Variants in SLC9A2 observed in about 807,000 individuals in gnomAD.
SLC9A2 encodes the protein solute carrier family 9 member A2, also known as sodium/hydrogen exchanger 2.
SLC9A2 carries 42 observed loss-of-function variants against 71.7 expected under a neutral mutation model. That is an observed-to-expected ratio of 0.59 (90% CI 0.46 to 0.76). The LOEUF is 0.76. Among genes scored for constraint, SLC9A2 ranks in the 30% least tolerant of loss-of-function variants. SLC9A2 has a pLI of 0.00. For synonymous variants in SLC9A2, 396 were observed against 392.5 expected (o/e 1.01, Z -0.10); for missense variants, 829 against 1,017.4 (o/e 0.81, Z 2.52).
chr2:102,700,099 A>G (rs1163045149), intron 7 of SLC9A2, among the ~76,000 whole-genome samples: 2 of 152,188 alleles, frequency 1.3e-5, no homozygotes, highest in Non-Finnish European at 2.9e-5. Context: ...ATCCAGGATG[A>G]CACCAGGATT....
intron 1 of SLC9A2, among the ~76,000 whole-genome samples, chr2:102,657,284 G>A (rs1009329138): frequency 2.6e-5 from 4 of 152,066 alleles, no homozygotes; most frequent in South Asian, 2.1e-4. Context: ...AAATCTCAAC[G>A]GGGATTTAGA....
intron 1 of SLC9A2, among the ~76,000 whole-genome samples, chr2:102,651,311 A>G (rs1363175794): frequency 6.6e-6 from 1 of 152,168 alleles, no homozygotes; most frequent in Non-Finnish European, 1.5e-5. Flanking sequence ...TCAGGAAATA[A>G]CCAACTTCTG....
At position 102,708,491 on chromosome 2, in the gene SLC9A2, A is replaced by C; in HGVS notation, c.*2A>C. The C allele has an allele frequency of 6.2e-7, 1 of 1,612,168 alleles. No homozygotes were observed. The highest frequency in any genetic ancestry group is 8.5e-7 in the Non-Finnish European group (1 of 1,178,958). On this transcript the variant is annotated 3_prime_UTR_variant, in exon 12 of 12. Coordinates refer to ENST00000233969, the MANE Select transcript of SLC9A2 (RefSeq NM_003048.6). Reference sequence around the variant, plus strand: ...CGATTTGGGAGTGAGAAGCCTTAAGAGAAGCAGCGAAAGCAGATCTGAGTG... The same window carrying C: ...CGATTTGGGAGTGAGAAGCCTTAAGCGAAGCAGCGAAAGCAGATCTGAGTG...
Position 102,694,640 on chromosome 2 carries a change from G to A in SLC9A2, c.1515+137G>A, listed in dbSNP as rs898349636. The A allele has an allele frequency of 4.9e-5, 22 of 450,546 alleles. No individual in the cohort carries two copies. The Middle Eastern group carries it at 9.7e-4, about 20-fold the overall frequency. 27.9% of individuals were successfully genotyped at this position (450,546 alleles called of 1,614,324 possible). On this transcript the variant is annotated intron_variant, in intron 6 of 11. Coordinates refer to ENST00000233969, the MANE Select transcript of SLC9A2 (RefSeq NM_003048.6). The stretch of plus-strand genomic sequence containing the variant: ...TGAGAGGGAGGAGGGCCTGAAGAAG[G>A]TATTTGCTGGGGGAGTATAGAATAG...
intron 9 of SLC9A2, among the ~76,000 whole-genome samples, chr2:102,703,256 T>C (rs1401365464): frequency 6.6e-6 from 1 of 152,234 alleles, no homozygotes; most frequent in Middle Eastern, 3.2e-3. Context: ...ACATTAGTTG[T>C]GGCTCCCAAG....
chr2:102,693,010 T>A (rs1286486040), intron 5 of SLC9A2, among the ~76,000 whole-genome samples: 1 of 151,626 alleles, frequency 6.6e-6, no homozygotes, highest in Non-Finnish European at 1.5e-5. Context: ...AACATGTTAT[T>A]AGATACTAGC....
chr2:102,637,361 A>G (rs1676486227), intron 1 of SLC9A2, among the ~76,000 whole-genome samples: 1 of 152,228 alleles, frequency 6.6e-6, no homozygotes, highest in African/African-American at 2.4e-5. Flanking sequence ...CCCAGATAGA[A>G]TACATGCTGA....
intron 3 of SLC9A2, among the ~76,000 whole-genome samples, chr2:102,681,516 C>G (rs1048195248): frequency 6.6e-6 from 1 of 152,218 alleles, no homozygotes; most frequent in African/African-American, 2.4e-5. Flanking sequence ...TGCTCATAAA[C>G]TTGTTATAAG....
intron 3 of SLC9A2, among the ~76,000 whole-genome samples, chr2:102,668,361 C>T (rs958264781): frequency 4.0e-5 from 6 of 150,584 alleles, no homozygotes; most frequent in Admixed American, 2.0e-4. Flanking sequence ...GTGCATGCCC[C>T]GCCCCTCTCT....
Position 102,619,646 on chromosome 2 carries a change from C to A in SLC9A2, c.-203C>A. On this transcript the variant is annotated 5_prime_UTR_variant, in exon 1 of 12. Coordinates refer to ENST00000233969, the MANE Select transcript of SLC9A2 (RefSeq NM_003048.6). This position sits in a 1 kb window ranked among gnomAD's most constrained non-coding sequence, Gnocchi z 4.3. ...CGCAGCGGCCTCTCGTCGCCCTGCACGTGCCTCGCCAGGCAGTGCGCCTGC... is the reference window on the plus strand; with the variant it reads ...CGCAGCGGCCTCTCGTCGCCCTGCAAGTGCCTCGCCAGGCAGTGCGCCTGC... 6.7e-6 allele frequency: 3 copies of A among 447,936 alleles called. No homozygotes were observed. Among genetic ancestry groups the A allele is most frequent in the East Asian group, 3.6e-5 (1 of 27,918 alleles). The allele number at this position is 447,936 out of a possible 1,614,324, so 27.7% of individuals were successfully genotyped here.
chr2:102,621,709 G>A (rs2192664), intron 1 of SLC9A2, among the ~76,000 whole-genome samples: 77,427 of 152,042 alleles, frequency 0.51, 21,282 homozygotes, highest in African/African-American at 0.72. Flanking sequence ...ACGTGTACAC[G>A]CTGTGTGATT....
At position 102,701,050 on chromosome 2, in the gene SLC9A2, G is replaced by C; in HGVS notation, c.1587-20G>C. ...TTAGTCAATCCAGTATTAATTTATTGAAAGTTTCTTTATTTACAGGTTTAA... is the reference window on the plus strand; with the variant it reads ...TTAGTCAATCCAGTATTAATTTATTCAAAGTTTCTTTATTTACAGGTTTAA... On this transcript the variant is annotated intron_variant, in intron 7 of 11. Coordinates refer to ENST00000233969, the MANE Select transcript of SLC9A2 (RefSeq NM_003048.6). The C allele has an allele frequency of 6.5e-7, 1 of 1,533,164 alleles. No individual in the cohort carries two copies. The highest frequency in any genetic ancestry group is 8.8e-7 in the Non-Finnish European group (1 of 1,131,896). 95.0% of individuals were successfully genotyped at this position (1,533,164 alleles called of 1,614,324 possible).
chr2:102,638,018 C>G (rs1020469838), intron 1 of SLC9A2, among the ~76,000 whole-genome samples: 3 of 152,176 alleles, frequency 2.0e-5, no homozygotes, highest in Non-Finnish European at 4.4e-5. Context: ...AGATGGGTGA[C>G]AAAAGCCCAG....
intron 9 of SLC9A2, among the ~76,000 whole-genome samples, chr2:102,703,895 AC>A (rs796207920): frequency 4.9e-4 from 75 of 152,254 alleles, no homozygotes; most frequent in African/African-American, 1.7e-3. Flanking sequence ...TCATGTAACA[AC>A]CCAGTTGAAA....
At chr2:102,671,720 T>C (rs1025142308) in intron 3 of SLC9A2, among the ~76,000 whole-genome samples, 1 of 152,236 alleles carries the variant, frequency 6.6e-6, no homozygotes, top group Non-Finnish European at 1.5e-5. Context: ...GGTTGTCACT[T>C]CTTTCCTAGG....
intron 3 of SLC9A2, among the ~76,000 whole-genome samples, chr2:102,668,449 TA>T (rs1314460359): frequency 6.6e-6 from 1 of 151,906 alleles, no homozygotes; most frequent in African/African-American, 2.4e-5. Context: ...ATGATGCAAT[TA>T]AAAATGCATA....
chr2:102,632,255 TTTGCCC>T, intron 1 of SLC9A2, among the ~76,000 whole-genome samples: 2 of 145,046 alleles, frequency 1.4e-5, no homozygotes, highest in African/African-American at 5.1e-5. Flanking sequence ...TATATATATA[TTTGCCC>T]TATCTGTTTA....
intron 1 of SLC9A2, among the ~76,000 whole-genome samples, chr2:102,635,523 C>A (rs904968874): frequency 1.3e-5 from 2 of 152,252 alleles, no homozygotes; most frequent in African/African-American, 4.8e-5. Context: ...AGCTGTCTAT[C>A]ACTCTCTGAC....
chr2:102,684,776 C>T (rs1677517781), intron 5 of SLC9A2, among the ~76,000 whole-genome samples: 1 of 152,188 alleles, frequency 6.6e-6, no homozygotes, highest in Non-Finnish European at 1.5e-5. Flanking sequence ...TGTGGTGGAC[C>T]TGTGTCCAGA....
Sources: allele counts gnomAD v4.1 joint callset (sites outside exome capture counted in the v4.1 genomes callset), GRCh38; gene constraint gnomAD v4.1.1; non-coding constraint Gnocchi (gnomAD v3.1); transcripts MANE v1.5; gene names NCBI Gene and HGNC (gene_info 2026-07-23, HGNC 2026-07-21).